The following PDE4D variants were observed in gnomAD, a reference collection of about 807,000 sequenced individuals.
PDE4D encodes the protein phosphodiesterase 4D.
A neutral mutation model predicts 87.4 loss-of-function variants in PDE4D; 24 were observed. The ratio of observed to expected loss-of-function variants is 0.27; its 90% confidence interval spans 0.20 to 0.39. PDE4D has a LOEUF of 0.39. Ranked by LOEUF, PDE4D falls within the 10% of genes least tolerant of loss-of-function variation. The probability of loss-of-function intolerance (pLI) is 1.00; values close to 1 mark genes in which losing one functional copy is unlikely to be tolerated. For missense variants in PDE4D, 714 were observed against 1,041.0 expected, an observed-to-expected ratio of 0.69 and a Z score of 4.32; for synonymous variants, 384 against 383.2, an observed-to-expected ratio of 1.00 and a Z score of -0.02.
intron 4 of PDE4D, 125 bp from the exon 5 acceptor site, chr5:59,180,769 G>T (rs1741334174): frequency 1.1e-6 from 1 of 913,844 alleles, no homozygotes; most frequent in Non-Finnish European, 1.7e-6. Context: ...ACACGCAAAT[G>T]ATTTCTTTCA....
Position 60,478,056 on chromosome 5 carries a change from T to C in PDE4D, c.-90+9886A>G, listed in dbSNP as rs248853. 3.0e-4 allele frequency among the ~76,000 whole-genome samples: 46 copies of C among 152,296 alleles called. No individual in the cohort carries two copies. The East Asian group carries it at 8.5e-3, about 28-fold the overall frequency. On this transcript the variant is annotated intron_variant, in intron 1 of 16. Transcript: ENST00000502484. The stretch of plus-strand genomic sequence containing the variant: ...TTGTTACACAACAATAGCTAACTGA[T>C]ACAACTTGGATAATTCCCTCCAAAT...
intron 5 of PDE4D, among the ~76,000 whole-genome samples, chr5:59,040,364 A>G (rs1160417055): frequency 1.3e-5 from 2 of 152,228 alleles, no homozygotes; most frequent in African/African-American, 4.8e-5. Flanking sequence ...CTCTTAAAGG[A>G]ACAGCAATGT....
chr5:60,258,827 A>G (rs1274797309), intron 1 of PDE4D, among the ~76,000 whole-genome samples: 1 of 151,988 alleles, frequency 6.6e-6, no homozygotes. Context: ...GAGCAAATAT[A>G]ACTATCATAA....
At chr5:60,010,090 A>G (rs959788341) in intron 2 of PDE4D, among the ~76,000 whole-genome samples, 3 of 152,128 alleles carry the variant, frequency 2.0e-5, no homozygotes, top group African/African-American at 7.2e-5. Flanking sequence ...AAGAAATACA[A>G]TTAATGTCCT....
intron 1 of PDE4D, among the ~76,000 whole-genome samples, chr5:59,700,784 G>A (rs1752446642): frequency 6.6e-6 from 1 of 152,064 alleles, no homozygotes. Context: ...CAGATCACAT[G>A]CCAATCATAT....
At chr5:60,285,877 G>C (rs1205157814) in intron 1 of PDE4D, among the ~76,000 whole-genome samples, 1 of 152,198 alleles carries the variant, frequency 6.6e-6, no homozygotes, top group African/African-American at 2.4e-5. Context: ...ACATGAGTGG[G>C]TTTGCATGTT....
rs1771531774 is a variant in PDE4D, at chr5:59,307,056, C to CAT, written c.456-91090_456-91089dup. On this transcript the variant is annotated intron_variant, in intron 1 of 14. Coordinates refer to ENST00000340635, the MANE Select transcript of PDE4D (RefSeq NM_001104631.2). Reference sequence around the variant, plus strand: ...AACAGAGCCCTCAGAAATAATGCCGCATATCTACAACTATCTGATCTTTGA... The same window carrying CAT: ...AACAGAGCCCTCAGAAATAATGCCGCATATATCTACAACTATCTGATCTTTGA... Among the ~76,000 whole-genome samples, 2 of 91,550 alleles carry CAT rather than the reference C, an allele frequency of 2.2e-5. 1 individual carries two copies. The highest frequency in any genetic ancestry group is 3.8e-5 in the Non-Finnish European group (2 of 52,028). 60.1% of individuals were successfully genotyped at this position (91,550 alleles called of 152,430 possible).
At chr5:59,696,151 T>C (rs1049985639) in intron 1 of PDE4D, among the ~76,000 whole-genome samples, 2 of 152,076 alleles carry the variant, frequency 1.3e-5, no homozygotes, top group Non-Finnish European at 2.9e-5. Flanking sequence ...ATGCATTCCA[T>C]CCTCCCAACA....
intron 3 of PDE4D, among the ~76,000 whole-genome samples, chr5:59,941,280 G>C (rs1757154038): frequency 6.6e-6 from 1 of 152,166 alleles, no homozygotes; most frequent in African/African-American, 2.4e-5. Context: ...ACCACATTCA[G>C]CTGTTCAACT....
chr5:59,913,418 A>G (rs1156474772), intron 3 of PDE4D, among the ~76,000 whole-genome samples: 1 of 152,184 alleles, frequency 6.6e-6, no homozygotes, highest in Non-Finnish European at 1.5e-5. Flanking sequence ...CATATATGTG[A>G]GAGCTAGACA....
At chr5:59,107,134 T>A (rs1771726782) in intron 5 of PDE4D, among the ~76,000 whole-genome samples, 1 of 152,318 alleles carries the variant, frequency 6.6e-6, no homozygotes. Context: ...TGTGTGTGTG[T>A]GTAAAGTTAT....
chr5:59,492,844 G>T (rs1295750345), intron 1 of PDE4D, among the ~76,000 whole-genome samples: 1 of 152,092 alleles, frequency 6.6e-6, no homozygotes, highest in Admixed American at 6.6e-5. Flanking sequence ...CACAAGATCT[G>T]ATGGTTTTAT....
intron 1 of PDE4D, among the ~76,000 whole-genome samples, chr5:60,458,666 AATT>A (rs897685681): frequency 1.2e-4 from 19 of 152,048 alleles, no homozygotes; most frequent in African/African-American, 4.4e-4. Context: ...GGATAAATTA[AATT>A]ATTAAGAATG....
At chr5:60,492,389 G>A (rs1749580779), upstream of PDE4D, among the ~76,000 whole-genome samples, 1 of 152,162 alleles carries the variant, frequency 6.6e-6, no homozygotes, top group Admixed American at 6.6e-5. Context: ...AGTGAGCTAT[G>A]GTTGTGCTAT....
At chr5:58,985,058 C>A (rs146087663) in intron 11 of PDE4D, among the ~76,000 whole-genome samples, 1 of 152,072 alleles carries the variant, frequency 6.6e-6, no homozygotes, top group East Asian at 1.9e-4. Flanking sequence ...TACAGGCATG[C>A]GCCACCACAC....
intron 1 of PDE4D, among the ~76,000 whole-genome samples, chr5:59,493,444 T>C (rs1222073643): frequency 6.6e-6 from 1 of 152,186 alleles, no homozygotes. Flanking sequence ...TGGTAAACAG[T>C]TCAATATACT....
intron 5 of PDE4D, chr5:59,090,997 A>G: frequency 2.5e-6 from 1 of 399,610 alleles, no homozygotes; most frequent in Non-Finnish European, 5.0e-6. Flanking sequence ...AATGCTGTTT[A>G]GAAAGTACTT....
chr5:59,529,436 A>C (rs558779874), intron 1 of PDE4D, among the ~76,000 whole-genome samples: 1 of 152,308 alleles, frequency 6.6e-6, no homozygotes, highest in South Asian at 2.1e-4. Context: ...AGACCAAGCC[A>C]ATGACACAGA....
At chr5:60,187,828 C>T (rs570556011) in intron 1 of PDE4D, among the ~76,000 whole-genome samples, 4 of 152,160 alleles carry the variant, frequency 2.6e-5, no homozygotes, top group African/African-American at 9.7e-5. Context: ...GTTGGAATTT[C>T]AGCTCTCCAC....
Sources: gnomAD v4.1 joint callset for allele counts (sites outside exome capture counted in the v4.1 genomes callset) on GRCh38, gnomAD v4.1.1 for gene constraint, MANE v1.5 for transcripts, NCBI Gene and HGNC (gene_info 2026-07-23, HGNC 2026-07-21) for gene names.